The following CRISPLD2 variants were observed in gnomAD, a reference collection of about 807,000 sequenced individuals.
CRISPLD2 encodes cysteine-rich secretory protein LCCL domain-containing 2.
A neutral mutation model predicts 71.1 loss-of-function variants in CRISPLD2; 47 were observed. The observed-to-expected ratio is 0.66, with a 90% CI of 0.52 to 0.84. The LOEUF (loss-of-function observed/expected upper bound fraction) is 0.84, where lower values mean the gene tolerates loss of function less well. Ranked by LOEUF, CRISPLD2 falls within the 40% of genes least tolerant of loss-of-function variation. The pLI, the probability that CRISPLD2 is intolerant of heterozygous loss-of-function variation, is 0.00. For missense variants in CRISPLD2, 830 were observed against 651.1 expected (o/e 1.27, Z -2.99); for synonymous variants, 317 against 250.1 (o/e 1.27, Z -2.52).
intron 5 of CRISPLD2, among the ~76,000 whole-genome samples, chr16:84,853,129 A>G (rs1195696223): frequency 2.0e-5 from 3 of 152,074 alleles, no homozygotes; most frequent in African/African-American, 7.2e-5. Context: ...ACCAATGCCA[A>G]CCCTGAGTGT....
Position 84,909,190 on chromosome 16 carries a change from T to C in CRISPLD2, c.*2548T>C, listed in dbSNP as rs572094146. 6.5e-6 allele frequency: 1 copy of C among 152,796 alleles called. No individual in the cohort carries two copies. Among genetic ancestry groups the C allele is most frequent in the Admixed American group, 6.5e-5 (1 of 15,296 alleles). The allele number at this position is 152,796 out of a possible 1,614,324, so 9.5% of individuals were successfully genotyped here. A position where few individuals can be genotyped will look rare whatever the true frequency, so the allele number is the denominator to read the frequency against. Reference sequence around the variant, plus strand: ...ACCAAGCCAACGGCGTTCCTGGCTCTCCTGCCCACAGGATGAACATTTTCG... The same window carrying C: ...ACCAAGCCAACGGCGTTCCTGGCTCCCCTGCCCACAGGATGAACATTTTCG... On this transcript the variant is annotated 3_prime_UTR_variant, in exon 15 of 15. Coordinates refer to ENST00000262424, the MANE Select transcript of CRISPLD2 (RefSeq NM_031476.4).
chr16:84,885,571 G>A (rs1274008903), intron 13 of CRISPLD2, among the ~76,000 whole-genome samples: 1 of 152,170 alleles, frequency 6.6e-6, no homozygotes, highest in Non-Finnish European at 1.5e-5. Context: ...CCGGGACCCC[G>A]CTTTGGGCTA....
At chr16:84,894,487 G>A (rs2071688805) in intron 14 of CRISPLD2, among the ~76,000 whole-genome samples, 1 of 152,176 alleles carries the variant, frequency 6.6e-6, no homozygotes, top group South Asian at 2.1e-4. Flanking sequence ...CTCATGGGCA[G>A]CCCCTGCGCT....
chr16:84,868,453 C>T lies in CRISPLD2; in HGVS notation c.854-398C>T, dbSNP rs533373432. 1.6e-4 allele frequency among the ~76,000 whole-genome samples: 24 copies of T among 152,268 alleles called. 1 individual carries two copies. The highest frequency in any genetic ancestry group is 1.4e-3 in the Admixed American group (21 of 15,298). On this transcript the variant is annotated intron_variant, in intron 7 of 14. Transcript: ENST00000262424. ...CGGCCCCACAGGCTCGGAGCAGCAT[C>T]CTCCCTACCCTCTCAGGAGTCCTGC...
chr16:84,835,464 C>T (rs79708900), intron 1 of CRISPLD2, among the ~76,000 whole-genome samples: 7,245 of 152,168 alleles, frequency 0.048, 509 homozygotes, highest in Admixed American at 0.21. Flanking sequence ...TCTGGAGGAG[C>T]CTCATCCCCT....
intron 1 of CRISPLD2, among the ~76,000 whole-genome samples, chr16:84,833,306 G>T (rs148478370): frequency 1.6e-3 from 241 of 152,278 alleles, no homozygotes; most frequent in African/African-American, 5.4e-3. Context: ...CTGAAATCTG[G>T]TGTGTTTTCA....
chr16:84,860,536 G>GGGAGGCCATCACTGT lies in CRISPLD2; in HGVS notation c.709+5707_709+5708insGGAGGCCATCACTGT, dbSNP rs544603246. Reference sequence around the variant, plus strand: ...TTATCTTGCCTGGCAGCTGCCTCAGGCGCCTCAGGCAGTGCAGGGTTTATC... The same window carrying GGGAGGCCATCACTGT: ...TTATCTTGCCTGGCAGCTGCCTCAGGGGAGGCCATCACTGTCGCCTCAGGCAGTGCAGGGTTTATC... On this transcript the variant is annotated intron_variant, in intron 6 of 14. Coordinates refer to ENST00000262424, the MANE Select transcript of CRISPLD2 (RefSeq NM_031476.4). Among the ~76,000 whole-genome samples, 658 of 152,296 alleles carry GGGAGGCCATCACTGT rather than the reference G, an allele frequency of 4.3e-3. 8 individuals carry two copies. Among genetic ancestry groups the GGGAGGCCATCACTGT allele is most frequent in the African/African-American group, 0.015 (631 of 41,562 alleles).
At chr16:84,839,789 G>C (rs147954748) in intron 2 of CRISPLD2, 52 of 152,220 alleles carry the variant, frequency 3.4e-4, no homozygotes, top group African/African-American at 1.2e-3. Flanking sequence ...ACAAACCCAC[G>C]TCCCAGCCTG....
chr16:84,875,406 T>C (rs1183625680), intron 11 of CRISPLD2, among the ~76,000 whole-genome samples: 1 of 146,166 alleles, frequency 6.8e-6, no homozygotes, highest in African/African-American at 2.6e-5. Context: ...ATGAGATTTA[T>C]GCATGGACTT....
intron 13 of CRISPLD2, among the ~76,000 whole-genome samples, chr16:84,885,792 G>A (rs957544538): frequency 6.7e-6 from 1 of 149,762 alleles, no homozygotes; most frequent in Admixed American, 6.7e-5. Context: ...GATTGTTAAT[G>A]TGGGAATGTT....
At chr16:84,832,580 G>T (rs752103100) in intron 1 of CRISPLD2, among the ~76,000 whole-genome samples, 5 of 152,274 alleles carry the variant, frequency 3.3e-5, no homozygotes, top group Non-Finnish European at 7.3e-5. Flanking sequence ...TACACTGGAG[G>T]TTTCTAGGAA....
chr16:84,882,987 T>C (rs948799017), intron 13 of CRISPLD2, among the ~76,000 whole-genome samples: 6 of 152,220 alleles, frequency 3.9e-5, no homozygotes, highest in African/African-American at 1.4e-4. Context: ...ATGTGCAGTC[T>C]TCATTAACAA....
chr16:84,898,897 A>G (rs1368239460), intron 14 of CRISPLD2, among the ~76,000 whole-genome samples: 1 of 152,144 alleles, frequency 6.6e-6, no homozygotes, highest in Admixed American at 6.5e-5. Flanking sequence ...CTGCAGCCTC[A>G]ACTGCAGTGA....
chr16:84,860,419 C>A (rs931680205), intron 6 of CRISPLD2, among the ~76,000 whole-genome samples: 6 of 152,186 alleles, frequency 3.9e-5, no homozygotes, highest in South Asian at 2.1e-4. Flanking sequence ...ACACTCCGAA[C>A]CTCACCTCTA....
At chr16:84,885,189 G>GTATCCAAGCACCAAGGC (rs2071601554) in intron 13 of CRISPLD2, among the ~76,000 whole-genome samples, 1 of 152,196 alleles carries the variant, frequency 6.6e-6, no homozygotes, top group Non-Finnish European at 1.5e-5. Flanking sequence ...GTGTGAGAAC[G>GTATCCAAGCACCAAGGC]TATCCAAGCA....
intron 14 of CRISPLD2, among the ~76,000 whole-genome samples, chr16:84,893,559 G>A (rs28552570): frequency 0.017 from 2,552 of 152,300 alleles, 22 homozygotes; most frequent in South Asian, 0.038. Flanking sequence ...GACCTCTGCC[G>A]TCATGGGATT....
intron 14 of CRISPLD2, among the ~76,000 whole-genome samples, chr16:84,906,061 T>C (rs2071799483): frequency 6.6e-6 from 1 of 152,102 alleles, no homozygotes. Context: ...TAACTCCTCT[T>C]GTGAGAGGGC....
chr16:84,875,414 C>CTTTTTTTTTTTTTTTTTT lies in CRISPLD2; in HGVS notation c.1156+1457_1156+1474dup, dbSNP rs34028519. Among the ~76,000 whole-genome samples, 89 of 87,782 alleles carry CTTTTTTTTTTTTTTTTTT rather than the reference C, an allele frequency of 1.0e-3. 4 individuals are homozygous for CTTTTTTTTTTTTTTTTTT. Among genetic ancestry groups the CTTTTTTTTTTTTTTTTTT allele is most frequent in the African/African-American group, 4.8e-3 (87 of 18,012 alleles). The allele number at this position is 87,782 out of a possible 152,430, so 57.6% of individuals were successfully genotyped here. A position where few individuals can be genotyped will look rare whatever the true frequency, so the allele number is the denominator to read the frequency against. On this transcript the variant is annotated intron_variant, in intron 11 of 14. Coordinates refer to ENST00000262424, the MANE Select transcript of CRISPLD2 (RefSeq NM_031476.4). Reference sequence around the variant, plus strand: ...GAGAAACATGAGATTTATGCATGGACTTTTTTTTTTTTTTTTTTTTTTTGT... The same window carrying CTTTTTTTTTTTTTTTTTT: ...GAGAAACATGAGATTTATGCATGGACTTTTTTTTTTTTTTTTTTTTTTTTTTTTTTTTTTTTTTTTTGT...
At chr16:84,868,699 G>A (rs1290589058) in intron 7 of CRISPLD2, 152 bp from the exon 8 acceptor site, 2 of 673,858 alleles carry the variant, frequency 3.0e-6, no homozygotes, top group Non-Finnish European at 5.2e-6. Flanking sequence ...TGAGCCCCCA[G>A]CGGAAGCCTG....
Sources: gnomAD v4.1 joint callset for allele counts (sites outside exome capture counted in the v4.1 genomes callset) on GRCh38, gnomAD v4.1.1 for gene constraint, MANE v1.5 for transcripts, NCBI Gene and HGNC (gene_info 2026-07-23, HGNC 2026-07-21) for gene names.